The following PIK3C2A variants were observed in gnomAD, a reference collection of about 807,000 sequenced individuals.
PIK3C2A encodes the protein phosphatidylinositol-4-phosphate 3-kinase catalytic subunit type 2 alpha.
A neutral mutation model predicts 204.5 loss-of-function variants in PIK3C2A; 97 were observed. That is an observed-to-expected ratio of 0.47 (90% confidence interval 0.40 to 0.56). The LOEUF is 0.56. PIK3C2A is among the 20% of genes least tolerant of loss of function. PIK3C2A has a pLI of 0.00. For synonymous variants in PIK3C2A, 653 were observed against 664.4 expected (o/e 0.98, Z 0.26); for missense variants, 1,735 against 1,969.2 (o/e 0.88, Z 2.25).
rs1176808122 is a variant in PIK3C2A at position 17,169,075 on chromosome 11, T to C, written c.667A>G (p.Met223Val). 3 of 1,614,226 alleles carry C rather than the reference T, an allele frequency of 1.9e-6. No individual in the cohort carries two copies. The highest frequency in any genetic ancestry group is 1.7e-5 in the Admixed American group (1 of 60,028). ...PIYRPVVSTDMAKLFDKIAST... is the reference protein window; with the variant it reads ...PIYRPVVSTDVAKLFDKIAST... Reference sequence around the variant, plus strand: ...GCTATTTTGTCAAATAGTTTTGCCATGTCAGTACTGACTACTGGACGATAG... The same window carrying C: ...GCTATTTTGTCAAATAGTTTTGCCACGTCAGTACTGACTACTGGACGATAG... The change falls in exon 2 of 33, where the codon ATG becomes GTG. Residue 223 changes from methionine to valine, a missense_variant. Coordinates refer to ENST00000691414, the MANE Select transcript of PIK3C2A (RefSeq NM_002645.4).
At chr11:17,206,374 T>A (rs935392544) in intron 1 of PIK3C2A, among the ~76,000 whole-genome samples, 1 of 152,138 alleles carries the variant, frequency 6.6e-6, no homozygotes, top group Admixed American at 6.5e-5. Context: ...ACATTGTTTT[T>A]CAGTATGTAA....
chr11:17,169,242 G>A lies in PIK3C2A; in HGVS notation c.500C>T (p.Ala167Val), dbSNP rs2137488517. Residue 167 changes from alanine (A) to valine (V), a missense_variant, in exon 2 of 33, where the codon GCA becomes GTA. Around this residue, in one of 6 missense-constraint regions of PIK3C2A, gnomAD observed 536 missense variants for 546.7 expected, o/e 0.98. Coordinates refer to ENST00000691414, the MANE Select transcript of PIK3C2A (RefSeq NM_002645.4). Reference protein sequence around the residue: ...IYPSTYSKQAAFQNGFNPRMP... With the variant: ...IYPSTYSKQAVFQNGFNPRMP... ...TCTTGGATTGAAGCCATTTTGGAATGCAGCCTGTTTACTGTAAGTAGAAGG... is the reference window on the plus strand; with the variant it reads ...TCTTGGATTGAAGCCATTTTGGAATACAGCCTGTTTACTGTAAGTAGAAGG... The A allele has an allele frequency of 6.2e-7, 1 of 1,614,112 alleles. No individual in the cohort carries two copies. Among genetic ancestry groups the A allele is most frequent in the East Asian group, 2.2e-5 (1 of 44,878 alleles).
At chr11:17,125,632 A>G (rs1457712203) in intron 13 of PIK3C2A, among the ~76,000 whole-genome samples, 1 of 151,936 alleles carries the variant, frequency 6.6e-6, no homozygotes, top group Non-Finnish European at 1.5e-5. Context: ...CTCCCGTCTC[A>G]GCCTCCCAAG....
At chr11:17,204,077 GAA>G (rs879651411) in intron 1 of PIK3C2A, among the ~76,000 whole-genome samples, 2 of 117,922 alleles carry the variant, frequency 1.7e-5, no homozygotes, top group Non-Finnish European at 3.7e-5. Flanking sequence ...CCGTCTCAAA[GAA>G]AAAAAAAAAA....
intron 1 of PIK3C2A, among the ~76,000 whole-genome samples, chr11:17,192,575 T>C (rs768423007): frequency 2.6e-5 from 4 of 152,126 alleles, no homozygotes; most frequent in African/African-American, 7.2e-5. Flanking sequence ...GCCTCCTGAG[T>C]AACTGGGATT....
chr11:17,104,112 TA>T (rs1391652794), intron 23 of PIK3C2A, among the ~76,000 whole-genome samples: 1 of 152,160 alleles, frequency 6.6e-6, no homozygotes, highest in African/African-American at 2.4e-5. Flanking sequence ...TCCATGACAT[TA>T]AAATGGGAGT....
At position 17,189,524 on chromosome 11, in the gene PIK3C2A, A is replaced by T. The variant is rs1286094653; in HGVS notation, c.-66+18324T>A. ...CAGATACTCAGGAGACTGAGGCTGGAGAATTGCTTGAACTTGGGAGGCAGA... is the reference window on the plus strand; with the variant it reads ...CAGATACTCAGGAGACTGAGGCTGGTGAATTGCTTGAACTTGGGAGGCAGA... On this transcript the variant is annotated intron_variant, in intron 1 of 32. Coordinates refer to ENST00000691414, the MANE Select transcript of PIK3C2A (RefSeq NM_002645.4). Among the ~76,000 whole-genome samples the T allele has an allele frequency of 6.2e-5, 9 of 146,216 alleles. 1 individual carries two copies. The highest frequency in any genetic ancestry group is 2.0e-4 in the Admixed American group (3 of 15,044).
chr11:17,138,029 T>C lies in PIK3C2A; in HGVS notation c.1705-1404A>G, dbSNP rs182926883. 5.9e-3 allele frequency: 3,736 copies of C among 634,124 alleles called. 22 individuals carry two copies. Among genetic ancestry groups the C allele is most frequent in the Non-Finnish European group, 7.7e-3 (2,613 of 338,568 alleles). 39.3% of individuals were successfully genotyped at this position (634,124 alleles called of 1,614,324 possible). ...GCTTTCAACACTTTCACAATGATTT[T>C]CTGCTCCTTGATAAGGAAAGCATGC... On this transcript the variant is annotated intron_variant, in intron 8 of 32. Transcript: ENST00000691414.
intron 23 of PIK3C2A, among the ~76,000 whole-genome samples, chr11:17,103,269 G>A (rs1218102898): frequency 2.6e-5 from 4 of 151,964 alleles, no homozygotes; most frequent in Non-Finnish European, 5.9e-5. Flanking sequence ...GCTTATATCT[G>A]AAAACATCCA....
intron 2 of PIK3C2A, among the ~76,000 whole-genome samples, chr11:17,165,069 CA>C (rs1482887836): frequency 3.9e-5 from 6 of 151,996 alleles, no homozygotes; most frequent in Admixed American, 1.3e-4. Flanking sequence ...AAAGGTCAAG[CA>C]GGGGCAGGAA....
chr11:17,179,771 G>C (rs1276011360), intron 1 of PIK3C2A, among the ~76,000 whole-genome samples: 1 of 151,666 alleles, frequency 6.6e-6, no homozygotes, highest in Non-Finnish European at 1.5e-5. Flanking sequence ...GTATAACCAG[G>C]CCTGGCTAAT....
chr11:17,200,781 G>A (rs988992162), intron 1 of PIK3C2A, among the ~76,000 whole-genome samples: 4 of 152,176 alleles, frequency 2.6e-5, no homozygotes, highest in Admixed American at 6.5e-5. Context: ...ATTTTACTAA[G>A]TGTAAATTAT....
chr11:17,109,995 G>C (rs530454854), intron 22 of PIK3C2A, among the ~76,000 whole-genome samples: 237 of 151,882 alleles, frequency 1.6e-3, no homozygotes, highest in African/African-American at 5.5e-3. Context: ...CTGTGTCACC[G>C]AGCCTAGAAT....
rs753314494 is a variant in PIK3C2A, at chr11:17,091,410, A to G, written c.4802T>C (p.Leu1601Pro). 1.2e-6 allele frequency: 2 copies of G among 1,613,856 alleles called. No individual in the cohort carries two copies. Among genetic ancestry groups the G allele is most frequent in the South Asian group, 2.2e-5 (2 of 91,044 alleles). ...TTTGGATGTTTTGTGGTTATCTGGAAGTAGGTATGTTTTGACATATGGATT... is the reference window on the plus strand; with the variant it reads ...TTTGGATGTTTTGTGGTTATCTGGAGGTAGGTATGTTTTGACATATGGATT... ...DPNPYVKTYL[L>P]PDNHKTSKRK... is the part of the protein sequence containing the mutation. Residue 1601 changes from leucine (L) to proline (P), a missense_variant, in exon 32 of 33, where the codon CTT becomes CCT. Coordinates refer to ENST00000691414, the MANE Select transcript of PIK3C2A (RefSeq NM_002645.4).
chr11:17,140,133 A>C (rs962591742), intron 8 of PIK3C2A, among the ~76,000 whole-genome samples: 1 of 152,180 alleles, frequency 6.6e-6, no homozygotes, highest in Admixed American at 6.5e-5. Context: ...GCAACTTCCT[A>C]GCTGGGCACA....
At chr11:17,100,249 C>G (rs11024156) in intron 25 of PIK3C2A, among the ~76,000 whole-genome samples, 129 of 46,478 alleles carry the variant, frequency 2.8e-3, no homozygotes, top group Middle Eastern at 9.8e-3. Flanking sequence ...TTTTTGGGGG[C>G]GGGGGGGGGG....
At chr11:17,150,987 A>C (rs928212084) in intron 3 of PIK3C2A, among the ~76,000 whole-genome samples, 4 of 152,202 alleles carry the variant, frequency 2.6e-5, no homozygotes, top group African/African-American at 9.6e-5. Flanking sequence ...ACAATTACAC[A>C]AAATGGTACC....
At chr11:17,197,996 C>T (rs979186417) in intron 1 of PIK3C2A, among the ~76,000 whole-genome samples, 4 of 152,154 alleles carry the variant, frequency 2.6e-5, no homozygotes, top group African/African-American at 9.7e-5. Context: ...AAAAGTCTTA[C>T]TTTCACATGA....
chr11:17,197,771 T>A (rs888938781), intron 1 of PIK3C2A, among the ~76,000 whole-genome samples: 1 of 152,322 alleles, frequency 6.6e-6, no homozygotes, highest in East Asian at 1.9e-4. Context: ...TAAATAAACT[T>A]TGACATCACC....
Sources: allele counts gnomAD v4.1 joint callset (sites outside exome capture counted in the v4.1 genomes callset), GRCh38; gene constraint gnomAD v4.1.1; regional missense constraint gnomAD v4.1.1; transcripts MANE v1.5; gene names NCBI Gene and HGNC (gene_info 2026-07-23, HGNC 2026-07-21).